Variants in USP24 observed in about 807,000 individuals in gnomAD.
USP24 encodes the protein ubiquitin carboxyl-terminal hydrolase 24.
Under a neutral mutation model 361.6 loss-of-function variants are expected in USP24, and 97 were observed. That is an observed-to-expected ratio of 0.27 (90% CI 0.23 to 0.32). The LOEUF (loss-of-function observed/expected upper bound fraction) is 0.32. USP24 is among the 10% of genes least tolerant of loss of function. USP24 has a pLI of 1.00. For synonymous variants in USP24, 1,098 were observed against 1,124.6 expected, an observed-to-expected ratio of 0.98 and a Z score of 0.47; for missense variants, 2,353 against 3,165.6, an observed-to-expected ratio of 0.74 and a Z score of 6.16.
intron 38 of USP24, among the ~76,000 whole-genome samples, chr1:55,115,340 C>CA (rs1323290797): frequency 2.6e-5 from 4 of 151,240 alleles, no homozygotes; most frequent in Non-Finnish European, 5.9e-5. Flanking sequence ...ACTAAAAATA[C>CA]AAAAAATTAG....
At chr1:55,113,638 T>G (rs1646019397) in intron 38 of USP24, among the ~76,000 whole-genome samples, 1 of 152,174 alleles carries the variant, frequency 6.6e-6, no homozygotes, top group East Asian at 1.9e-4. Flanking sequence ...CTCAACGAAA[T>G]ATTGGCAAAC....
chr1:55,174,893 A>G (rs557547108), intron 3 of USP24, among the ~76,000 whole-genome samples: 1 of 152,188 alleles, frequency 6.6e-6, no homozygotes, highest in Non-Finnish European at 1.5e-5. Flanking sequence ...GGCCTCACAA[A>G]GTGCTGGGAT....
At chr1:55,108,220 CAAT>C (rs1356490249) in intron 39 of USP24, among the ~76,000 whole-genome samples, 2 of 152,168 alleles carry the variant, frequency 1.3e-5, no homozygotes, top group African/African-American at 4.8e-5. Flanking sequence ...GGTTTCTAAA[CAAT>C]GTGCCAAACT....
chr1:55,106,371 T>C (rs928976729), intron 40 of USP24, 108 bp from the exon 41 acceptor site: 19 of 751,974 alleles, frequency 2.5e-5, no homozygotes, highest in Middle Eastern at 3.1e-4. Flanking sequence ...TGCCACCCAA[T>C]AGCAGAGCAT....
intron 67 of USP24, chr1:55,071,278 G>A (rs1644913564): frequency 1.0e-6 from 1 of 989,782 alleles, no homozygotes; most frequent in Admixed American, 5.8e-5. Context: ...TTCAGTGTTT[G>A]CACACAGTGG....
At chr1:55,083,958 T>C (rs577414652) in intron 56 of USP24, 70 bp from the exon 57 acceptor site, 94 of 1,229,838 alleles carry the variant, frequency 7.6e-5, no homozygotes, top group Non-Finnish European at 1.0e-4. Context: ...CAGGATTAAT[T>C]TGAGGTAAAC....
intron 29 of USP24, 51 bp downstream of exon 29, chr1:55,134,277 C>A (rs1171028802): frequency 2.0e-5 from 31 of 1,580,518 alleles, no homozygotes; most frequent in Non-Finnish European, 2.6e-5. Context: ...ACTTGGCTCC[C>A]TAATGTTAGT....
chr1:55,160,400 A>G (rs1240946502), intron 8 of USP24, among the ~76,000 whole-genome samples: 1 of 152,186 alleles, frequency 6.6e-6, no homozygotes, highest in East Asian at 1.9e-4. Context: ...GTTATGGTTA[A>G]GAGAGTCATA....
chr1:55,145,964 G>A (rs754974658), intron 20 of USP24, 34 bp downstream of exon 20: 1 of 1,423,830 alleles, frequency 7.0e-7, no homozygotes, highest in Non-Finnish European at 9.9e-7. Flanking sequence ...TTACTTAAAA[G>A]TACTGAAAAA....
intron 1 of USP24, among the ~76,000 whole-genome samples, chr1:55,178,436 A>C (rs1650208214): frequency 6.6e-6 from 1 of 152,128 alleles, no homozygotes; most frequent in African/African-American, 2.4e-5. Flanking sequence ...TGGGAGGCCG[A>C]GACGGGTGGA....
Position 55,171,661 on chromosome 1 carries a change from AT to A in USP24, c.719del (p.Asn240MetfsTer9). ...GVLTMAFNPDNEYHFKNRMKV... is the reference protein window; with the variant it reads ...GVLTMAFNPDXEYHFKNRMKV... ...TCATTCTGTTTTTAAAATGGTATTC[AT>A]TATCAGGATTGAAAGCCTAGATTCA... On this transcript the variant is annotated frameshift_variant, in exon 5 of 68. Coordinates refer to ENST00000294383, the MANE Select transcript of USP24 (RefSeq NM_015306.3). LOFTEE classifies it high-confidence loss of function. 6.2e-7 allele frequency: 1 copy of A among 1,604,242 alleles called. No homozygotes were observed.
At chr1:55,184,426 C>T (rs1644068195) in intron 1 of USP24, among the ~76,000 whole-genome samples, 1 of 152,096 alleles carries the variant, frequency 6.6e-6, no homozygotes, top group Non-Finnish European at 1.5e-5. Context: ...AACACATAAG[C>T]ATCTAACAAC....
At chr1:55,203,590 C>G (rs76230604) in intron 1 of USP24, among the ~76,000 whole-genome samples, 1 of 152,166 alleles carries the variant, frequency 6.6e-6, no homozygotes, top group African/African-American at 2.4e-5. Flanking sequence ...AATTAATATT[C>G]GTCTCCCATA....
chr1:55,170,708 C>T (rs1255658003), intron 5 of USP24, among the ~76,000 whole-genome samples: 1 of 152,164 alleles, frequency 6.6e-6, no homozygotes, highest in African/African-American at 2.4e-5. Flanking sequence ...TGTCTGACTC[C>T]TCAAGGTGGC....
rs756844949 is a variant in USP24 at position 55,072,352 on chromosome 1, T to C, written c.7654A>G (p.Thr2552Ala). The C allele has an allele frequency of 1.2e-6, 2 of 1,613,906 alleles. No individual in the cohort carries two copies. Among genetic ancestry groups the C allele is most frequent in the East Asian group, 2.2e-5 (1 of 44,866 alleles). ...ATGGTTCGCTGAAAGGTTTTTCCAGTTGATGTTTCATTAGAGACATTACTC... is the reference window on the plus strand; with the variant it reads ...ATGGTTCGCTGAAAGGTTTTTCCAGCTGATGTTTCATTAGAGACATTACTC... ...PQSNVSNETSTGKTFQRTISA... is the reference protein window; with the variant it reads ...PQSNVSNETSAGKTFQRTISA... Residue 2552 changes from threonine (T) to alanine (A), a missense_variant, in exon 66 of 68, where the codon ACT (threonine) becomes GCT (alanine). Coordinates refer to ENST00000294383, the MANE Select transcript of USP24 (RefSeq NM_015306.3).
intron 15 of USP24, 60 bp downstream of exon 15, chr1:55,154,059 C>G (rs914111073): frequency 8.7e-6 from 14 of 1,604,542 alleles, no homozygotes; most frequent in South Asian, 1.1e-5. Flanking sequence ...TTATTTGGCT[C>G]TAATTACTCA....
At chr1:55,182,724 ATTTT>A (rs955195105) in intron 1 of USP24, among the ~76,000 whole-genome samples, 1 of 151,626 alleles carries the variant, frequency 6.6e-6, no homozygotes, top group Admixed American at 6.6e-5. Flanking sequence ...ACAGTCTTTT[ATTTT>A]TTTTGAGACA....
intron 1 of USP24, among the ~76,000 whole-genome samples, chr1:55,187,395 T>C (rs1383738086): frequency 6.6e-6 from 1 of 152,222 alleles, no homozygotes; most frequent in African/African-American, 2.4e-5. Flanking sequence ...GAGACAAAGA[T>C]GTCTGCTCTC....
chr1:55,198,017 T>C lies in USP24; in HGVS notation c.324+16773A>G, dbSNP rs142613739. Among the ~76,000 whole-genome samples, 66 of 152,324 alleles carry C rather than the reference T, an allele frequency of 4.3e-4. No homozygotes were observed. The East Asian group carries it at 0.012, about 28-fold the overall frequency. ...GTGTTGTTTCTTAACTCAAACCTCA[T>C]ATAATGAAAAGTGAAGAACAATTAT... is the stretch of plus-strand genomic sequence containing the variant. On this transcript the variant is annotated intron_variant, in intron 1 of 67. Coordinates refer to ENST00000294383, the MANE Select transcript of USP24 (RefSeq NM_015306.3).
Sources: gnomAD v4.1 joint callset for allele counts (sites outside exome capture counted in the v4.1 genomes callset) on GRCh38, gnomAD v4.1.1 for gene constraint, MANE v1.5 for transcripts, NCBI Gene and HGNC (gene_info 2026-07-23, HGNC 2026-07-21) for gene names.